Variants in PRKG1 observed in about 807,000 individuals in gnomAD.
PRKG1 encodes the protein protein kinase cGMP-dependent 1.
A neutral mutation model predicts 88.1 loss-of-function variants in PRKG1; 35 were observed. That is an observed-to-expected ratio of 0.40 (90% CI 0.30 to 0.53). The LOEUF (loss-of-function observed/expected upper bound fraction) is 0.53. Ranked by LOEUF, PRKG1 falls within the 20% of genes least tolerant of loss-of-function variation. The pLI, the probability that PRKG1 is intolerant of heterozygous loss-of-function variation, is 0.59. For synonymous variants in PRKG1, 303 were observed against 292.5 expected, an observed-to-expected ratio of 1.04 and a Z score of -0.37; for missense variants, 540 against 839.8, an observed-to-expected ratio of 0.64 and a Z score of 4.41.
intron 7 of PRKG1, among the ~76,000 whole-genome samples, chr10:52,117,174 G>GTGTGTGTGTA (rs1366438059): frequency 6.7e-6 from 1 of 149,660 alleles, no homozygotes; most frequent in African/African-American, 2.5e-5. Context: ...CTGTGTGTGT[G>GTGTGTGTGTA]TGTGTGTGTG....
intron 2 of PRKG1, among the ~76,000 whole-genome samples, chr10:51,273,569 GT>G (rs1840038219): frequency 6.6e-6 from 1 of 152,174 alleles, no homozygotes; most frequent in Non-Finnish European, 1.5e-5. Context: ...TAATCTGGCA[GT>G]TTTTAAACCT....
chr10:51,298,927 A>G (rs1303323684), intron 2 of PRKG1, among the ~76,000 whole-genome samples: 2 of 152,198 alleles, frequency 1.3e-5, no homozygotes, highest in Non-Finnish European at 2.9e-5. Flanking sequence ...ATGGTTGCAT[A>G]AATGTGTTAA....
intron 4 of PRKG1, among the ~76,000 whole-genome samples, chr10:51,834,745 AGAAAAGAAAG>A (rs1564667190): frequency 6.6e-6 from 1 of 151,952 alleles, no homozygotes; most frequent in East Asian, 1.9e-4. Context: ...AAAAGAAAAA[AGAAAAGAAAG>A]GAAAAGAAAA....
At chr10:51,421,635 T>G (rs1407439212) in intron 2 of PRKG1, among the ~76,000 whole-genome samples, 1 of 152,180 alleles carries the variant, frequency 6.6e-6, no homozygotes, top group Non-Finnish European at 1.5e-5. Context: ...CTATCCTCCA[T>G]GTCTGTCTCC....
intron 2 of PRKG1, among the ~76,000 whole-genome samples, chr10:51,215,335 T>C (rs1212926265): frequency 2.0e-5 from 3 of 152,210 alleles, no homozygotes; most frequent in Non-Finnish European, 4.4e-5. Context: ...GATGATAAAT[T>C]ACAAGTGATT....
intron 8 of PRKG1, among the ~76,000 whole-genome samples, chr10:52,160,796 TG>T (rs1457415662): frequency 6.6e-6 from 1 of 152,076 alleles, no homozygotes; most frequent in East Asian, 1.9e-4. Context: ...TAAAATGAAA[TG>T]TAATTTCTTA....
intron 1 of PRKG1, among the ~76,000 whole-genome samples, chr10:51,088,940 C>T (rs983788691): frequency 5.3e-5 from 8 of 151,536 alleles, no homozygotes; most frequent in African/African-American, 1.9e-4. Context: ...GTGGAATTTC[C>T]AAGCATGTTT....
intron 3 of PRKG1, among the ~76,000 whole-genome samples, chr10:51,493,128 A>T (rs561006256): frequency 6.6e-6 from 1 of 152,256 alleles, no homozygotes; most frequent in South Asian, 2.1e-4. Flanking sequence ...ACTATAGGTC[A>T]TTACCCTGAT....
chr10:51,839,910 G>T (rs578110302), intron 4 of PRKG1, among the ~76,000 whole-genome samples: 1 of 152,270 alleles, frequency 6.6e-6, no homozygotes, highest in East Asian at 1.9e-4. Context: ...CCTAGAGCAT[G>T]CAATATCTAA....
At chr10:52,277,331 G>C (rs182314878) in intron 12 of PRKG1, among the ~76,000 whole-genome samples, 101 of 152,090 alleles carry the variant, frequency 6.6e-4, no homozygotes, top group Non-Finnish European at 1.3e-3. Context: ...AGAGAGGATT[G>C]GTGTTCCAAA....
intron 2 of PRKG1, among the ~76,000 whole-genome samples, chr10:51,355,915 T>C (rs1471129710): frequency 6.6e-6 from 1 of 152,016 alleles, no homozygotes; most frequent in African/African-American, 2.4e-5. Context: ...TTTCACAGAG[T>C]ATTGCAGATT....
chr10:51,831,424 C>T (rs1200471630), intron 4 of PRKG1, among the ~76,000 whole-genome samples: 1 of 151,834 alleles, frequency 6.6e-6, no homozygotes, highest in Non-Finnish European at 1.5e-5. Flanking sequence ...AACTTTTCTC[C>T]CTCTACCAGC....
chr10:51,450,680 C>A (rs1839408782), intron 2 of PRKG1, among the ~76,000 whole-genome samples: 1 of 151,834 alleles, frequency 6.6e-6, no homozygotes, highest in South Asian at 2.1e-4. Flanking sequence ...ACAGTTGCAG[C>A]TATAAAAATC....
intron 1 of PRKG1, among the ~76,000 whole-genome samples, chr10:51,139,480 A>G (rs1845772766): frequency 6.6e-6 from 1 of 151,946 alleles, no homozygotes. Flanking sequence ...TGTCTCTGCT[A>G]TTTCTCAGTC....
intron 6 of PRKG1, among the ~76,000 whole-genome samples, chr10:52,054,853 G>A (rs919419579): frequency 3.9e-4 from 60 of 152,066 alleles, no homozygotes; most frequent in Non-Finnish European, 6.3e-4. Context: ...AAAAAATACC[G>A]GCTGGATGTG....
chr10:52,038,768 C>T (rs930442987), intron 5 of PRKG1, among the ~76,000 whole-genome samples: 3 of 152,072 alleles, frequency 2.0e-5, no homozygotes, highest in African/African-American at 7.2e-5. Flanking sequence ...GATAAAACAC[C>T]AGGGGAAGGC....
At chr10:51,165,984 GTT>G (rs796123661) in intron 2 of PRKG1, among the ~76,000 whole-genome samples, 2 of 145,742 alleles carry the variant, frequency 1.4e-5, no homozygotes, top group African/African-American at 2.5e-5. Context: ...CACCAAATAA[GTT>G]TTTTTTTTTC....
intron 3 of PRKG1, among the ~76,000 whole-genome samples, chr10:51,583,504 C>T (rs1838094993): frequency 6.6e-6 from 1 of 152,050 alleles, no homozygotes; most frequent in Non-Finnish European, 1.5e-5. Flanking sequence ...ACACATGAAA[C>T]CCATTAGTAG....
At chr10:51,668,179 T>C (rs1307506478) in intron 3 of PRKG1, among the ~76,000 whole-genome samples, 2 of 152,212 alleles carry the variant, frequency 1.3e-5, no homozygotes, top group Non-Finnish European at 2.9e-5. Flanking sequence ...AATTTATTTA[T>C]GCTCAGCTGC....
Sources: allele counts gnomAD v4.1 joint callset (sites outside exome capture counted in the v4.1 genomes callset), GRCh38; gene constraint gnomAD v4.1.1; transcripts MANE v1.5; gene names NCBI Gene and HGNC (gene_info 2026-07-23, HGNC 2026-07-21).